MTR: variants seen among roughly 807,000 people sequenced by gnomAD.
MTR encodes 5-methyltetrahydrofolate-homocysteine methyltransferase.
Under a neutral mutation model 154.8 loss-of-function variants are expected in MTR, and 84 were observed. The ratio of observed to expected loss-of-function variants is 0.54; its 90% CI spans 0.45 to 0.65. The LOEUF is 0.65. MTR is among the 30% of genes least tolerant of loss of function. The probability of loss-of-function intolerance (pLI) is 0.00; values close to 1 mark genes in which losing one functional copy is unlikely to be tolerated. For missense variants in MTR, 1,275 were observed against 1,570.2 expected (o/e 0.81, Z 3.18); for synonymous variants, 554 against 553.9 (o/e 1.00, Z 0.00).
intron 4 of MTR, 48 bp downstream of exon 4, chr1:236,808,821 TGTCA>T: frequency 6.4e-7 from 1 of 1,552,908 alleles, no homozygotes; most frequent in Non-Finnish European, 8.9e-7. Context: ...CCTTTGATAC[TGTCA>T]GCTATAATGT....
chr1:236,803,726 G>A (rs1282900101), intron 2 of MTR, 84 bp downstream of exon 2: 11 of 1,322,204 alleles, frequency 8.3e-6, no homozygotes, highest in Non-Finnish European at 1.2e-5. Flanking sequence ...GCTATGCCGA[G>A]TGCTCCGGAG....
At chr1:236,811,743 G>C (rs1661315933) in intron 5 of MTR, 1 of 454,210 alleles carries the variant, frequency 2.2e-6, no homozygotes, top group Non-Finnish European at 4.4e-6. Flanking sequence ...TTTGAAAACT[G>C]CATCTTTAAG....
At chr1:236,818,612 C>G (rs1661740694) in intron 8 of MTR, among the ~76,000 whole-genome samples, 1 of 152,200 alleles carries the variant, frequency 6.6e-6, no homozygotes, top group South Asian at 2.1e-4. Context: ...TATTTGCTCT[C>G]TATTTCGTTA....
chr1:236,897,334 A>G (rs907801009), intron 32 of MTR, among the ~76,000 whole-genome samples: 1 of 146,706 alleles, frequency 6.8e-6, no homozygotes, highest in Admixed American at 6.7e-5. Flanking sequence ...ACACACACAC[A>G]CACACACACA....
At chr1:236,820,640 A>G (rs7513841) in intron 8 of MTR, 5,981 of 525,966 alleles carry the variant, frequency 0.011, 327 homozygotes, top group African/African-American at 0.1. Flanking sequence ...TTTTGTGTAG[A>G]CATAAGTTTT....
chr1:236,801,395 C>T (rs1292219110), intron 1 of MTR, among the ~76,000 whole-genome samples: 1 of 152,164 alleles, frequency 6.6e-6, no homozygotes, highest in Non-Finnish European at 1.5e-5. Flanking sequence ...TTACTAGAGC[C>T]ACCTTCCTGA....
chr1:236,847,770 A>C (rs909286794), intron 15 of MTR, among the ~76,000 whole-genome samples: 2 of 152,206 alleles, frequency 1.3e-5, no homozygotes, highest in African/African-American at 2.4e-5. Context: ...AAAAACAAGC[A>C]AACAGAAATC....
intron 8 of MTR, chr1:236,819,790 A>G: frequency 1.3e-6 from 1 of 760,064 alleles, no homozygotes; most frequent in African/African-American, 1.7e-5. Context: ...ATAAATCTGA[A>G]GAGGACCTGG....
intron 1 of MTR, among the ~76,000 whole-genome samples, chr1:236,799,776 A>G (rs557504723): frequency 6.8e-4 from 103 of 151,414 alleles, no homozygotes; most frequent in African/African-American, 2.1e-3. Context: ...GTTTTTATGT[A>G]ATCAAATTCA....
At chr1:236,860,002 C>T (rs1664428412) in intron 19 of MTR, 80 bp downstream of exon 19, 2 of 1,220,528 alleles carry the variant, frequency 1.6e-6, no homozygotes, top group Admixed American at 1.8e-5. Context: ...GTGACAGTAG[C>T]TGGAGAAGGA....
intron 30 of MTR, 115 bp from the exon 31 acceptor site, chr1:236,895,243 C>T (rs1447795309): frequency 2.6e-6 from 3 of 1,147,984 alleles, no homozygotes; most frequent in Non-Finnish European, 3.8e-6. Flanking sequence ...TTTCCCCTGG[C>T]TGTGGTCCAG....
chr1:236,838,710 C>T (rs1373421144), intron 15 of MTR, 111 bp downstream of exon 15: 10 of 1,114,202 alleles, frequency 9.0e-6, no homozygotes, highest in Non-Finnish European at 1.2e-5. Flanking sequence ...ACATTTATCT[C>T]TTTCCATATA....
intron 18 of MTR, among the ~76,000 whole-genome samples, chr1:236,855,095 A>G (rs909018423): frequency 1.3e-5 from 2 of 152,208 alleles, no homozygotes; most frequent in Non-Finnish European, 2.9e-5. Context: ...CTCTGTAGCA[A>G]TTCCTTAGGA....
chr1:236,828,938 T>TA (rs1384410792), intron 11 of MTR, among the ~76,000 whole-genome samples: 1 of 151,998 alleles, frequency 6.6e-6, no homozygotes, highest in African/African-American at 2.4e-5. Context: ...TCTCAGAAAG[T>TA]AAAAACAACA....
At position 236,819,720 on chromosome 1, in the gene MTR, A is replaced by G. The variant is rs1365782496; in HGVS notation, c.764+3177A>G. 4.2e-6 allele frequency: 3 copies of G among 721,358 alleles called. No homozygotes were observed. The Admixed American group carries it at 5.2e-5, about 13-fold the overall frequency. The allele number at this position is 721,358 out of a possible 1,614,324, so 44.7% of individuals were successfully genotyped here. A position where few individuals can be genotyped will look rare whatever the true frequency, so the allele number is the denominator to read the frequency against. The stretch of plus-strand genomic sequence containing the variant: ...AGCAGGAACCCATTTAGGTGGCACC[A>G]AACTTGACTTCCAAATGAAGCAGTA... On this transcript the variant is annotated intron_variant, in intron 8 of 32. Transcript: ENST00000366577.
intron 30 of MTR, 50 bp from the exon 31 acceptor site, chr1:236,895,308 C>G: frequency 6.5e-7 from 1 of 1,548,534 alleles, no homozygotes; most frequent in Non-Finnish European, 8.8e-7. Flanking sequence ...TGCACTGATG[C>G]TGTGAGCCCC....
chr1:236,895,598 A>G (rs1449541943), intron 31 of MTR, 48 bp downstream of exon 31: 1 of 1,538,304 alleles, frequency 6.5e-7, no homozygotes. Context: ...TTCAGTAGAT[A>G]CTCTTATCAG....
rs1352644910 is a variant in MTR at position 236,899,444 on chromosome 1, A to G, written c.*1800A>G. ...GACAGGAAGGACCACTCCCTAAGTA[A>G]TCCCAGAACAATGGCTATTCATGTG... On this transcript the variant is annotated 3_prime_UTR_variant, in exon 33 of 33. Transcript: ENST00000366577. 1 of 152,248 alleles carries G rather than the reference A, an allele frequency of 6.6e-6. No homozygotes were observed. Among genetic ancestry groups the G allele is most frequent in the Non-Finnish European group, 1.5e-5 (1 of 68,044 alleles). The allele number at this position is 152,248 out of a possible 1,614,324, so 9.4% of individuals were successfully genotyped here. A position where few individuals can be genotyped will look rare whatever the true frequency, so the allele number is the denominator to read the frequency against.
Position 236,838,537 on chromosome 1 carries a change from G to T in MTR, c.1453G>T (p.Ala485Ser). 1 of 1,614,098 alleles carries T rather than the reference G, an allele frequency of 6.2e-7. No homozygotes were observed. Among genetic ancestry groups the T allele is most frequent in the South Asian group, 1.1e-5 (1 of 91,078 alleles). ...AGGAGAGGACGACTTCTTGGAGAAGGCCAGGAAGATTAAAAAGTATGGAGC... is the reference window on the plus strand; with the variant it reads ...AGGAGAGGACGACTTCTTGGAGAAGTCCAGGAAGATTAAAAAGTATGGAGC... ...KEGEDDFLEK[A>S]RKIKKYGAAM... Residue 485 changes from alanine (A) to serine (S), a missense_variant, in exon 15 of 33, where the codon GCC (alanine) becomes TCC (serine). Transcript: ENST00000366577.
Sources: gnomAD v4.1 joint callset for allele counts (sites outside exome capture counted in the v4.1 genomes callset) on GRCh38, gnomAD v4.1.1 for gene constraint, MANE v1.5 for transcripts, NCBI Gene and HGNC (gene_info 2026-07-23, HGNC 2026-07-21) for gene names.